Variants in ARHGEF26 observed in about 807,000 individuals in gnomAD.
ARHGEF26 encodes the protein Rho guanine nucleotide exchange factor (GEF) 26.
ARHGEF26 carries 59 observed loss-of-function variants against 89.4 expected under a neutral mutation model. The observed-to-expected ratio is 0.66, with a 90% CI of 0.54 to 0.82. ARHGEF26 has a LOEUF of 0.82. ARHGEF26 is among the 40% of genes least tolerant of loss of function. The probability of loss-of-function intolerance (pLI) is 0.00; values close to 1 mark genes in which losing one functional copy is unlikely to be tolerated. For synonymous variants in ARHGEF26, 500 were observed against 428.4 expected, an observed-to-expected ratio of 1.17 and a Z score of -2.06; for missense variants, 1,234 against 1,085.6, an observed-to-expected ratio of 1.14 and a Z score of -1.92.
At chr3:154,191,014 C>A (rs1318285089) in intron 7 of ARHGEF26, among the ~76,000 whole-genome samples, 1 of 152,152 alleles carries the variant, frequency 6.6e-6, no homozygotes, top group Non-Finnish European at 1.5e-5. Context: ...ATTTGCTTAC[C>A]TTCCACTTGT....
chr3:154,174,385 C>T (rs536698600), intron 6 of ARHGEF26, among the ~76,000 whole-genome samples: 1 of 152,294 alleles, frequency 6.6e-6, no homozygotes, highest in East Asian at 1.9e-4. Flanking sequence ...TTTGAGAGCT[C>T]CGAAGCACAC....
intron 7 of ARHGEF26, among the ~76,000 whole-genome samples, chr3:154,188,117 T>C (rs1713709866): frequency 6.6e-6 from 1 of 152,168 alleles, no homozygotes; most frequent in Admixed American, 6.5e-5. Flanking sequence ...ACAGAGGTGG[T>C]CCTCACTCTA....
At chr3:154,231,387 C>T (rs1421321101) in intron 11 of ARHGEF26, among the ~76,000 whole-genome samples, 1 of 152,144 alleles carries the variant, frequency 6.6e-6, no homozygotes, top group Non-Finnish European at 1.5e-5. Flanking sequence ...GAAAACTGAG[C>T]TCAAATCCTG....
At chr3:154,156,830 C>T (rs990884339) in intron 6 of ARHGEF26, among the ~76,000 whole-genome samples, 6 of 152,286 alleles carry the variant, frequency 3.9e-5, no homozygotes, top group East Asian at 1.9e-4. Flanking sequence ...TGATCAGTGT[C>T]TGAATTAGAT....
intron 4 of ARHGEF26, among the ~76,000 whole-genome samples, chr3:154,139,090 G>A (rs1719195482): frequency 6.6e-6 from 1 of 152,152 alleles, no homozygotes; most frequent in Admixed American, 6.5e-5. Context: ...ATAGCTGGTG[G>A]GGCACAGTTG....
At chr3:154,231,834 A>G (rs1716844135) in intron 11 of ARHGEF26, among the ~76,000 whole-genome samples, 1 of 152,110 alleles carries the variant, frequency 6.6e-6, no homozygotes, top group Non-Finnish European at 1.5e-5. Context: ...GAGTGAGGAA[A>G]AACTATTGGT....
chr3:154,128,368 G>A (rs1718462173), intron 3 of ARHGEF26, among the ~76,000 whole-genome samples: 1 of 152,058 alleles, frequency 6.6e-6, no homozygotes, highest in Admixed American at 6.6e-5. Context: ...CTCCCGAGTA[G>A]CTGGGACCAC....
chr3:154,148,229 C>T (rs933136718), intron 4 of ARHGEF26, among the ~76,000 whole-genome samples: 1 of 152,146 alleles, frequency 6.6e-6, no homozygotes, highest in African/African-American at 2.4e-5. Flanking sequence ...CTTTCAGGCT[C>T]CCCAAATGTG....
intron 6 of ARHGEF26, among the ~76,000 whole-genome samples, chr3:154,179,213 C>T (rs1713029509): frequency 6.6e-6 from 1 of 152,170 alleles, no homozygotes; most frequent in South Asian, 2.1e-4. Context: ...ATTGTACTGA[C>T]AACAACAAAC....
intron 9 of ARHGEF26, among the ~76,000 whole-genome samples, chr3:154,207,249 A>G (rs1447578390): frequency 1.3e-5 from 2 of 152,214 alleles, no homozygotes; most frequent in Non-Finnish European, 2.9e-5. Context: ...GCAAAAATTG[A>G]CAAATGAGAT....
intron 9 of ARHGEF26, among the ~76,000 whole-genome samples, chr3:154,205,074 A>C: frequency 6.6e-6 from 1 of 152,164 alleles, no homozygotes; most frequent in East Asian, 1.9e-4. Context: ...TTCTGTCTGG[A>C]AGATCTGCCC....
chr3:154,143,416 C>T (rs1445406016), intron 4 of ARHGEF26, among the ~76,000 whole-genome samples: 1 of 152,006 alleles, frequency 6.6e-6, no homozygotes, highest in East Asian at 1.9e-4. Context: ...CCTTCTATGT[C>T]ATTAAATATT....
chr3:154,212,824 C>T (rs1478379992), intron 9 of ARHGEF26, among the ~76,000 whole-genome samples: 1 of 152,096 alleles, frequency 6.6e-6, no homozygotes, highest in African/African-American at 2.4e-5. Flanking sequence ...TCACCTCCTG[C>T]CGTGCGCTGG....
intron 10 of ARHGEF26, among the ~76,000 whole-genome samples, chr3:154,222,145 CTT>C (rs1390435965): frequency 6.6e-6 from 1 of 152,164 alleles, no homozygotes; most frequent in African/African-American, 2.4e-5. Context: ...AGATTCAAAT[CTT>C]TGACTCCAGA....
chr3:154,124,594 C>G (rs1296747241), intron 3 of ARHGEF26, 145 bp downstream of exon 3: 1 of 721,436 alleles, frequency 1.4e-6, no homozygotes, highest in Non-Finnish European at 2.1e-6. Flanking sequence ...AAGCTTCTCA[C>G]TAAGCTAAAT....
chr3:154,235,347 T>C (rs960051391), intron 11 of ARHGEF26, among the ~76,000 whole-genome samples: 13 of 152,118 alleles, frequency 8.5e-5, no homozygotes, highest in African/African-American at 3.1e-4. Context: ...GTGGGTTTTG[T>C]CATAAAGTGG....
At chr3:154,173,089 A>G (rs1435688530) in intron 6 of ARHGEF26, among the ~76,000 whole-genome samples, 1 of 152,200 alleles carries the variant, frequency 6.6e-6, no homozygotes, top group East Asian at 1.9e-4. Context: ...AGAATATAGT[A>G]TATTCAGTCA....
In ARHGEF26 at chr3:154,129,710, ACT is replaced by A; in HGVS notation, c.1265_1266del (p.Ser422CysfsTer24). On this transcript the variant is annotated frameshift_variant, in exon 4 of 15. Transcript: ENST00000465093. LOFTEE classifies it high-confidence loss of function. ...HKPLRSTWSQ[L>X]SAVKRKGLSQ... ...AGCCATTGAGATCCACATGGAGCCAACTCTCTGCGGTGAGTGTTTATCTTCTT... is the reference window on the plus strand; with the variant it reads ...AGCCATTGAGATCCACATGGAGCCAACTCTGCGGTGAGTGTTTATCTTCTT... 1.2e-6 allele frequency: 2 copies of A among 1,611,678 alleles called. No homozygotes were observed. The highest frequency in any genetic ancestry group is 1.7e-6 in the Non-Finnish European group (2 of 1,178,982).
intron 9 of ARHGEF26, among the ~76,000 whole-genome samples, chr3:154,215,147 C>G (rs1466282273): frequency 2.0e-5 from 3 of 152,184 alleles, no homozygotes; most frequent in East Asian, 3.9e-4. Context: ...CGTGGCCTAT[C>G]TCTTTTGGCT....
Sources: gnomAD v4.1 joint callset for allele counts (sites outside exome capture counted in the v4.1 genomes callset) on GRCh38, gnomAD v4.1.1 for gene constraint, MANE v1.5 for transcripts, NCBI Gene and HGNC (gene_info 2026-07-23, HGNC 2026-07-21) for gene names.